Variants in RUNX1T1 observed in about 807,000 individuals in gnomAD.
RUNX1T1 encodes the protein protein CBFA2T1.
RUNX1T1 carries 4 observed loss-of-function variants against 62.8 expected under a neutral mutation model. That is an observed-to-expected ratio of 0.06 (90% CI 0.03 to 0.15). The LOEUF is 0.15. Ranked by LOEUF, RUNX1T1 falls within the 10% of genes least tolerant of loss-of-function variation. RUNX1T1 has a pLI of 1.00. For missense variants in RUNX1T1, 508 were observed against 754.3 expected, an observed-to-expected ratio of 0.67 and a Z score of 3.82; for synonymous variants, 291 against 286.0, an observed-to-expected ratio of 1.02 and a Z score of -0.18.
At chr8:92,003,136 C>T (rs1386480354) in intron 5 of RUNX1T1, among the ~76,000 whole-genome samples, 3 of 152,130 alleles carry the variant, frequency 2.0e-5, no homozygotes, top group Non-Finnish European at 4.4e-5. Context: ...CCATGAAAAA[C>T]CAAAGGGAAA....
At chr8:92,102,941 G>A (rs1838109265), upstream of RUNX1T1, 2 of 1,500,228 alleles carry the variant, frequency 1.3e-6, no homozygotes, top group East Asian at 5.4e-5. This position sits in a 1 kb window ranked among gnomAD's most constrained non-coding sequence, Gnocchi z 4.5. Flanking sequence ...CGGCCCGCGG[G>A]GCGACGGGGC....
intron 4 of RUNX1T1, chr8:92,009,769 T>C (rs748059977): frequency 5.9e-5 from 9 of 152,102 alleles, no homozygotes; most frequent in Admixed American, 6.6e-5. Context: ...AATAAGAATA[T>C]AGTATTATAG....
chr8:91,955,841 A>C (rs1809281828), downstream of RUNX1T1: 1 of 227,966 alleles, frequency 4.4e-6, no homozygotes, highest in East Asian at 6.3e-5. Flanking sequence ...GTAGGGGAGA[A>C]GGGTTTGTTT....
At chr8:92,009,611 TC>T (rs1229899081) in intron 4 of RUNX1T1, 15 of 151,134 alleles carry the variant, frequency 9.9e-5, no homozygotes, top group African/African-American at 3.6e-4. Context: ...TTTTTTTTTT[TC>T]TTTTTTAGCA....
At chr8:92,066,213 T>C (rs1832847204), upstream of RUNX1T1, among the ~76,000 whole-genome samples, 1 of 152,214 alleles carries the variant, frequency 6.6e-6, no homozygotes, top group South Asian at 2.1e-4. Context: ...CATTGATGAA[T>C]GGTCATTAAG....
chr8:91,959,426 G>A (rs1009680335), exon 11 of RUNX1T1: 1 of 93,086 alleles, frequency 1.1e-5, no homozygotes, highest in East Asian at 1.9e-4. Flanking sequence ...GTGTGTGTGT[G>A]TGTGTGTGTG....
At chr8:92,075,928 G>A in intron 2 of RUNX1T1, 37 bp downstream of exon 2, 1 of 1,563,452 alleles carries the variant, frequency 6.4e-7, no homozygotes, top group Non-Finnish European at 8.6e-7. Flanking sequence ...TGGTACGTAA[G>A]TAAATTGCAA....
chr8:92,060,553 A>ATATATATATATGTGTGTG, intron 1 of RUNX1T1, among the ~76,000 whole-genome samples: 11 of 63,966 alleles, frequency 1.7e-4, no homozygotes, highest in African/African-American at 4.6e-4. Flanking sequence ...ATATATATAT[A>ATATATATATATGTGTGTG]TGTGTGTGTG....
intron 6 of RUNX1T1, among the ~76,000 whole-genome samples, chr8:91,987,753 T>G (rs1816869055): frequency 6.6e-6 from 1 of 152,138 alleles, no homozygotes; most frequent in Non-Finnish European, 1.5e-5. Context: ...GAAGTAAATG[T>G]GTCTCACTAA....
At position 92,055,094 on chromosome 8, in the gene RUNX1T1, T is replaced by C. The variant is rs547616616; in HGVS notation, c.7+7452A>G. Among the ~76,000 whole-genome samples the C allele has an allele frequency of 3.9e-5, 6 of 152,262 alleles. No individual in the cohort carries two copies. In the South Asian group the frequency reaches 1.0e-3, roughly 26 times the overall value. On this transcript the variant is annotated intron_variant, in intron 1 of 10. Transcript: ENST00000396218. ...TAGTAAGTACAACAATTTTAAACAG[T>C]GAATGAAAGTAACTATGGCTTAAAG...
chr8:91,972,780 T>C (rs772656489), intron 9 of RUNX1T1, among the ~76,000 whole-genome samples: 14 of 152,192 alleles, frequency 9.2e-5, no homozygotes, highest in Non-Finnish European at 1.8e-4. Context: ...GCAAAGAGAA[T>C]TGGTAGGACA....
intron 1 of RUNX1T1, among the ~76,000 whole-genome samples, chr8:92,030,797 C>T (rs76466898): frequency 0.014 from 2,174 of 152,264 alleles, 56 homozygotes; most frequent in African/African-American, 0.049. Flanking sequence ...CTCTTGGACC[C>T]TGGCCCTTCC....
intron 6 of RUNX1T1, among the ~76,000 whole-genome samples, chr8:91,990,983 T>TA (rs2130873575): frequency 6.6e-6 from 1 of 152,324 alleles, no homozygotes; most frequent in Admixed American, 6.5e-5. Context: ...CTAATAGTTT[T>TA]ATGCAAAGAA....
intron 1 of RUNX1T1, among the ~76,000 whole-genome samples, chr8:92,033,311 G>A (rs557217000): frequency 3.8e-4 from 58 of 152,296 alleles, no homozygotes; most frequent in South Asian, 3.3e-3. Flanking sequence ...CACATGGGGG[G>A]AAGTTACAAA....
exon 11 of RUNX1T1, chr8:91,959,434 G>A (rs953865168): frequency 2.6e-4 from 35 of 132,572 alleles, no homozygotes; most frequent in East Asian, 1.5e-3. Flanking sequence ...GTGTGTGTGT[G>A]TGTGTGTGTG....
intron 1 of RUNX1T1, among the ~76,000 whole-genome samples, chr8:92,088,925 C>T (rs187485734): frequency 2.6e-3 from 396 of 152,314 alleles, no homozygotes; most frequent in African/African-American, 8.9e-3. Context: ...TGTATATATA[C>T]GCTTAAGACA....
intron 10 of RUNX1T1, among the ~76,000 whole-genome samples, chr8:91,961,286 TTGAGAAA>T (rs1163168906): frequency 6.6e-6 from 1 of 152,196 alleles, no homozygotes; most frequent in Non-Finnish European, 1.5e-5. Context: ...TTATTTGGCT[TTGAGAAA>T]TGAGAAATGC....
At chr8:92,052,619 A>G (rs1209299796) in intron 1 of RUNX1T1, among the ~76,000 whole-genome samples, 5 of 152,246 alleles carry the variant, frequency 3.3e-5, no homozygotes, top group African/African-American at 1.2e-4. Flanking sequence ...AAGGACACAA[A>G]AAATATAATT....
chr8:92,093,555 G>A (rs1478016378), intron 1 of RUNX1T1, among the ~76,000 whole-genome samples: 1 of 152,052 alleles, frequency 6.6e-6, no homozygotes, highest in African/African-American at 2.4e-5. Context: ...ACCCATTATC[G>A]CTTCTCGGCC....
Sources: gnomAD v4.1 joint callset for allele counts (sites outside exome capture counted in the v4.1 genomes callset) on GRCh38, gnomAD v4.1.1 for gene constraint, Gnocchi (gnomAD v3.1) non-coding constraint, MANE v1.5 for transcripts, NCBI Gene and HGNC (gene_info 2026-07-23, HGNC 2026-07-21) for gene names.